The following SYNE1 variants were observed in gnomAD, a reference collection of about 807,000 sequenced individuals.
The protein encoded by SYNE1 is spectrin repeat containing nuclear envelope protein 1, also known as nesprin-1.
SYNE1 carries 616 observed loss-of-function variants against 1,111.0 expected under a neutral mutation model. That is an observed-to-expected ratio of 0.55 (90% confidence interval 0.52 to 0.59). The LOEUF (loss-of-function observed/expected upper bound fraction) is 0.59, where lower values mean the gene tolerates loss of function less well. Among genes scored for constraint, SYNE1 ranks in the 20% least tolerant of loss-of-function variants. SYNE1 has a pLI of 0.00. For missense variants in SYNE1, 10,006 were observed against 10,417.0 expected, an observed-to-expected ratio of 0.96 and a Z score of 1.72; for synonymous variants, 3,855 against 3,825.8, an observed-to-expected ratio of 1.01 and a Z score of -0.28.
At chr6:152,383,294 T>C (rs1472015801) in intron 55 of SYNE1, among the ~76,000 whole-genome samples, 1 of 152,202 alleles carries the variant, frequency 6.6e-6, no homozygotes, top group Non-Finnish European at 1.5e-5. Context: ...GTGAAAGAAT[T>C]ATCTTACTTT....
intron 62 of SYNE1, 134 bp downstream of exon 62, chr6:152,367,084 G>A: frequency 9.1e-7 from 1 of 1,092,902 alleles, no homozygotes. Context: ...AAGGCAGACA[G>A]CGTTGCACTC....
chr6:152,433,750 T>C (rs1397332169), intron 34 of SYNE1, 45 bp downstream of exon 34: 4 of 1,611,358 alleles, frequency 2.5e-6, no homozygotes, highest in Non-Finnish European at 3.4e-6. Flanking sequence ...AAGTAGTTCT[T>C]AAAAGCTAGA....
chr6:152,580,278 AT>A (rs1347242892), intron 3 of SYNE1, among the ~76,000 whole-genome samples: 5 of 152,100 alleles, frequency 3.3e-5, no homozygotes, highest in Admixed American at 6.6e-5. Context: ...GATGTCGAAC[AT>A]TTTTTCATAT....
chr6:152,594,729 C>A (rs891970937), intron 3 of SYNE1, among the ~76,000 whole-genome samples: 2 of 152,188 alleles, frequency 1.3e-5, no homozygotes, highest in South Asian at 4.1e-4. Flanking sequence ...AAAAACTCTT[C>A]CAAGGAATTT....
chr6:152,404,104 G>GAT lies in SYNE1; in HGVS notation c.6825+107_6825+108dup, dbSNP rs143864698. ...ATATATACGAGATATAGATATATGA[G>GAT]ATATATATATATACACACACACACA... On this transcript the variant is annotated intron_variant, in intron 46 of 145. Transcript: ENST00000367255. The GAT allele has an allele frequency of 0.029, 15,921 of 541,476 alleles. 176 individuals carry two copies. Among genetic ancestry groups the GAT allele is most frequent in the African/African-American group, 0.06 (2,905 of 48,506 alleles). The allele number at this position is 541,476 out of a possible 1,614,324, so 33.5% of individuals were successfully genotyped here.
chr6:152,238,105 G>A (rs2084649773), intron 108 of SYNE1, among the ~76,000 whole-genome samples: 1 of 151,678 alleles, frequency 6.6e-6, no homozygotes, highest in South Asian at 2.1e-4. Context: ...CAAACAATAA[G>A]TTGTATGGTA....
chr6:152,545,320 C>T (rs780994270), intron 3 of SYNE1, among the ~76,000 whole-genome samples: 3 of 152,152 alleles, frequency 2.0e-5, no homozygotes, highest in Non-Finnish European at 4.4e-5. Flanking sequence ...TGGCTCATGC[C>T]TGTAATCCCA....
At chr6:152,268,220 T>A in intron 99 of SYNE1, 55 bp from the exon 100 acceptor site, 5 of 1,357,010 alleles carry the variant, frequency 3.7e-6, no homozygotes, top group Non-Finnish European at 4.2e-6. Flanking sequence ...GATTATTGCC[T>A]ACAATCATAG....
At chr6:152,365,325 A>G (rs1207020507) in intron 62 of SYNE1, among the ~76,000 whole-genome samples, 1 of 152,228 alleles carries the variant, frequency 6.6e-6, no homozygotes, top group East Asian at 1.9e-4. Flanking sequence ...AGTAGAATTC[A>G]TGATTTCTCA....
intron 32 of SYNE1, among the ~76,000 whole-genome samples, chr6:152,439,115 C>T (rs560645593): frequency 2.0e-5 from 3 of 152,280 alleles, no homozygotes; most frequent in African/African-American, 7.2e-5. Flanking sequence ...ATTAATTCGG[C>T]ATATTATATG....
chr6:152,530,705 T>C (rs1382109526), intron 4 of SYNE1, among the ~76,000 whole-genome samples: 1 of 150,978 alleles, frequency 6.6e-6, no homozygotes, highest in Non-Finnish European at 1.5e-5. Flanking sequence ...CACTGCAACC[T>C]CTGCCTCCCG....
intron 3 of SYNE1, among the ~76,000 whole-genome samples, chr6:152,593,709 A>AT (rs2099573225): frequency 6.6e-6 from 1 of 152,152 alleles, no homozygotes; most frequent in Non-Finnish European, 1.5e-5. Context: ...ACAGACTGTG[A>AT]TTTTTAATGT....
At chr6:152,409,769 C>T (rs2154170358) in intron 42 of SYNE1, 60 bp from the exon 43 acceptor site, 3 of 1,573,888 alleles carry the variant, frequency 1.9e-6, no homozygotes, top group Non-Finnish European at 2.6e-6. Context: ...GGGAGAGTTG[C>T]CTGCAATTGG....
intron 6 of SYNE1, among the ~76,000 whole-genome samples, chr6:152,513,353 A>AT (rs371505304): frequency 0.027 from 4,115 of 151,478 alleles, 212 homozygotes; most frequent in African/African-American, 0.094. Context: ...ATCTAATCAG[A>AT]TTTTTCTTTT....
chr6:152,264,181 T>G (rs1223149884), intron 100 of SYNE1, among the ~76,000 whole-genome samples: 1 of 133,248 alleles, frequency 7.5e-6, no homozygotes, highest in Admixed American at 8.6e-5. Context: ...TGTACTCTTC[T>G]TGGTGACAGA....
At position 152,330,867 on chromosome 6, in the gene SYNE1, T is replaced by C. The variant is rs2096231874; in HGVS notation, c.13818A>G (p.Gln4606=). ...ATTCTGGAGATTGTTCAAGAATGTT[T>C]TGGTATTTAGCCAGTTGTGTATGAA... The part of the protein sequence containing the change: ...SELHTQLAKY[Q]NILEQSPEYE... The change falls in exon 78 of 146, where the codon CAA becomes CAG. Residue 4606 remains glutamine (Q), a synonymous_variant. Coordinates refer to ENST00000367255, the MANE Select transcript of SYNE1 (RefSeq NM_182961.4). 1.2e-6 allele frequency: 2 copies of C among 1,614,170 alleles called. No individual in the cohort carries two copies. The highest frequency in any genetic ancestry group is 1.7e-5 in the Admixed American group (1 of 60,026).
chr6:152,426,990 T>A (rs1011809000), intron 38 of SYNE1, among the ~76,000 whole-genome samples: 1 of 152,252 alleles, frequency 6.6e-6, no homozygotes, highest in African/African-American at 2.4e-5. Context: ...AAATCTGTAA[T>A]ACAATAAATC....
At chr6:152,333,131 G>C (rs2096286524) in intron 77 of SYNE1, among the ~76,000 whole-genome samples, 2 of 152,164 alleles carry the variant, frequency 1.3e-5, no homozygotes. Flanking sequence ...TGCAGAAGAA[G>C]TGTAGATTTT....
intron 129 of SYNE1, among the ~76,000 whole-genome samples, 173 bp downstream of exon 129, chr6:152,179,963 G>T (rs1177902146): frequency 6.6e-6 from 1 of 152,164 alleles, no homozygotes; most frequent in African/African-American, 2.4e-5. Flanking sequence ...GATTACAGGC[G>T]TGAGCCACTG....
Sources: allele counts gnomAD v4.1 joint callset (sites outside exome capture counted in the v4.1 genomes callset), GRCh38; gene constraint gnomAD v4.1.1; transcripts MANE v1.5; gene names NCBI Gene and HGNC (gene_info 2026-07-23, HGNC 2026-07-21).